ZNF230: variants seen among roughly 807,000 people sequenced by gnomAD.
ZNF230 encodes the protein zinc finger protein FDZF2.
Under a neutral mutation model 10.0 loss-of-function variants are expected in ZNF230, and 12 were observed. That is an observed-to-expected ratio of 1.20 (90% confidence interval 0.77 to 1.95). The LOEUF (loss-of-function observed/expected upper bound fraction) is 1.95, where lower values mean the gene tolerates loss of function less well. Among genes scored for constraint, ZNF230 ranks in the 30% most tolerant of loss-of-function variants. ZNF230 has a pLI of 0.00. For synonymous variants in ZNF230, 174 were observed against 193.6 expected (o/e 0.90, Z 0.84); for missense variants, 532 against 565.8 (o/e 0.94, Z 0.61).
In ZNF230 at chr19:44,011,331, A is replaced by G. The variant is rs1976180766; in HGVS notation, c.1292A>G (p.His431Arg). 1.2e-6 allele frequency: 2 copies of G among 1,613,932 alleles called. No individual in the cohort carries two copies. Among genetic ancestry groups the G allele is most frequent in the Admixed American group, 1.7e-5 (1 of 59,998 alleles). Residue 431 changes from histidine (H) to arginine (R), a missense_variant, in exon 5 of 5, where the codon CAC becomes CGC. By Grantham distance (29) the His-to-Arg change is conservative. Transcript: ENST00000429154. ...GAGGATTGTGGAAAGAGGCTTGTAC[A>G]CCGGTCTTTCTGTAAAGACCAACAA... is the stretch of plus-strand genomic sequence containing the variant. ...KCEDCGKRLV[H>R]RSFCKDQQGD...
At position 44,013,392 on chromosome 19, in the gene ZNF230, G is replaced by T. The variant is rs529305196; in HGVS notation, c.*1928G>T. On this transcript the variant is annotated 3_prime_UTR_variant, in exon 5 of 5. Transcript: ENST00000429154. ...TCTTTATTGTTGGCAGTAAAAATAA[G>T]TCTTTTGTAAGCAGTGTATATCAGA... 3 of 152,170 alleles carry T rather than the reference G, an allele frequency of 2.0e-5. No homozygotes were observed. Among genetic ancestry groups the T allele is most frequent in the Non-Finnish European group, 2.9e-5 (2 of 68,020 alleles). 9.4% of individuals were successfully genotyped at this position (152,170 alleles called of 1,614,324 possible). A position where few individuals can be genotyped will look rare whatever the true frequency, so the allele number is the denominator to read the frequency against.
In ZNF230 at chr19:44,008,792, G is replaced by A. The variant is rs1384230385; in HGVS notation, c.18G>A (p.Glu6=). ...GTTATGTATCCTTGATGTTATAGGAGGCAGTGACCTTCAAGGATGTGGCTG... is the reference window on the plus strand; with the variant it reads ...GTTATGTATCCTTGATGTTATAGGAAGCAGTGACCTTCAAGGATGTGGCTG... MTTFK[E]AVTFKDVAVF... Residue 6 remains glutamate, a splice_region_variant and synonymous_variant, in exon 3 of 5, where the codon GAG becomes GAA. Transcript: ENST00000429154. 1.9e-6 allele frequency: 3 copies of A among 1,613,604 alleles called. No homozygotes were observed. Among genetic ancestry groups the A allele is most frequent in the African/African-American group, 1.3e-5 (1 of 74,876 alleles).
chr19:44,009,279 C>A, intron 4 of ZNF230, 109 bp downstream of exon 4: 1 of 1,242,764 alleles, frequency 8.0e-7, no homozygotes, highest in Non-Finnish European at 1.1e-6. Flanking sequence ...CAATCTCTTT[C>A]CTGGTTTATT....
chr19:44,010,109 GGTTA>G (rs1976160693), intron 4 of ZNF230, among the ~76,000 whole-genome samples, 156 bp from the exon 5 acceptor site: 1 of 152,180 alleles, frequency 6.6e-6, no homozygotes, highest in Admixed American at 6.5e-5. Flanking sequence ...GACATGGTGT[GGTTA>G]TAAATTGGTC....
In ZNF230 at chr19:44,009,099, A is replaced by G. The variant is rs759805727; in HGVS notation, c.158A>G (p.His53Arg). The change falls in exon 4 of 5, where the codon CAC becomes CGC. Residue 53 changes from histidine to arginine, a missense_variant. His to Arg is a conservative substitution (Grantham distance 29). Coordinates refer to ENST00000429154, the MANE Select transcript of ZNF230 (RefSeq NM_006300.4). Reference protein sequence around the residue: ...NLLSVGHQPFHPFHFLREEKF... With the variant: ...NLLSVGHQPFRPFHFLREEKF... ...ATGTTCACAGGGCATCAACCATTCC[A>G]CCCTTTCCACTTCCTAAGGGAAGAA... 1.9e-6 allele frequency: 3 copies of G among 1,614,146 alleles called. No individual in the cohort carries two copies. In the South Asian group the frequency reaches 3.3e-5, roughly 18 times the overall value.
Position 44,010,523 on chromosome 19 carries a change from C to T in ZNF230, c.484C>T (p.His162Tyr). The T allele has an allele frequency of 6.2e-7, 1 of 1,614,224 alleles. No individual in the cohort carries two copies. The highest frequency in any genetic ancestry group is 1.7e-5 in the Admixed American group (1 of 60,022). The change falls in exon 5 of 5, where the codon CAC becomes TAC. Residue 162 changes from histidine (H) to tyrosine (Y), a missense_variant. Physicochemically the swap from His to Tyr is moderately conservative, Grantham distance 83 (BLOSUM62 2). Transcript: ENST00000429154. ...CATCTTTGATCCTCCTCAGCAGTTC[C>T]ACTCAGGAGAGAAGTCTCATACATG... ...VAIFDPPQQF[H>Y]SGEKSHTCNE...
At position 44,011,471 on chromosome 19, in the gene ZNF230, C is replaced by CAT. The variant is rs1976182947; in HGVS notation, c.*14_*15dup. 1.3e-6 allele frequency: 2 copies of CAT among 1,569,718 alleles called. No individual in the cohort carries two copies. Among genetic ancestry groups the CAT allele is most frequent in the Non-Finnish European group, 1.7e-6 (2 of 1,160,454 alleles). ...ATTTTTAAATGATATGTAAGTTGTACATATATATGGGATATGGTATGAAAT... is the reference window on the plus strand; with the variant it reads ...ATTTTTAAATGATATGTAAGTTGTACATATATATATGGGATATGGTATGAAAT... On this transcript the variant is annotated 3_prime_UTR_variant, in exon 5 of 5. Transcript: ENST00000429154.
At position 44,013,923 on chromosome 19, in the gene ZNF230, C is replaced by T. The variant is rs897352581; in HGVS notation, c.*2459C>T. The T allele has an allele frequency of 6.6e-6, 1 of 152,076 alleles. No individual in the cohort carries two copies. Among genetic ancestry groups the T allele is most frequent in the African/African-American group, 2.4e-5 (1 of 41,392 alleles). 9.4% of individuals were successfully genotyped at this position (152,076 alleles called of 1,614,324 possible). ...TCAGAATAAAATTGCTCTATATTGT[C>T]ATATGATGTAAGTTCACAATGACTA... On this transcript the variant is annotated 3_prime_UTR_variant, in exon 5 of 5. Transcript: ENST00000429154.
Position 44,012,064 on chromosome 19 carries a change from ACTGATT to A in ZNF230, c.*601_*606del. ...GGTAGTGTAGATATCTGATCCACAT[ACTGATT>A]TCCTTTGCTTTGGATATACTCAATA... On this transcript the variant is annotated 3_prime_UTR_variant, in exon 5 of 5. Coordinates refer to ENST00000429154, the MANE Select transcript of ZNF230 (RefSeq NM_006300.4). 5 of 193,194 alleles carry A rather than the reference ACTGATT, an allele frequency of 2.6e-5. No homozygotes were observed. Among genetic ancestry groups the A allele is most frequent in the Non-Finnish European group, 5.3e-5 (5 of 94,168 alleles). The allele number at this position is 193,194 out of a possible 1,614,324, so 12.0% of individuals were successfully genotyped here.
At position 44,012,944 on chromosome 19, in the gene ZNF230, T is replaced by C. The variant is rs941158863; in HGVS notation, c.*1480T>C. On this transcript the variant is annotated 3_prime_UTR_variant, in exon 5 of 5. Coordinates refer to ENST00000429154, the MANE Select transcript of ZNF230 (RefSeq NM_006300.4). ...CTAATGCTCCATTGGTTGCATACAA[T>C]ATAAATTCAACAATCATTTGTAACT... 1 of 153,726 alleles carries C rather than the reference T, an allele frequency of 6.5e-6. No homozygotes were observed. Among genetic ancestry groups the C allele is most frequent in the African/African-American group, 2.4e-5 (1 of 41,452 alleles). 9.5% of individuals were successfully genotyped at this position (153,726 alleles called of 1,614,324 possible). A position where few individuals can be genotyped will look rare whatever the true frequency, so the allele number is the denominator to read the frequency against.
rs1225892853 is a variant in ZNF230, at chr19:44,012,598, C to G, written c.*1134C>G. On this transcript the variant is annotated 3_prime_UTR_variant, in exon 5 of 5. Coordinates refer to ENST00000429154, the MANE Select transcript of ZNF230 (RefSeq NM_006300.4). ...AGTTTGTTCACACATTTACAAAACC[C>G]TAATGATGAACATGTCAAAAGTGGT... 4.6e-6 allele frequency: 2 copies of G among 430,806 alleles called. No individual in the cohort carries two copies. The highest frequency in any genetic ancestry group is 4.1e-5 in the African/African-American group (2 of 49,058). 26.7% of individuals were successfully genotyped at this position (430,806 alleles called of 1,614,324 possible).
Position 44,010,314 on chromosome 19 carries a change from G to A in ZNF230, c.275G>A (p.Cys92Tyr). 6.2e-7 allele frequency: 1 copy of A among 1,613,828 alleles called. No individual in the cohort carries two copies. Among genetic ancestry groups the A allele is most frequent in the Non-Finnish European group, 8.5e-7 (1 of 1,179,798 alleles). The change falls in exon 5 of 5, where the codon TGC (cysteine) becomes TAC (tyrosine). Residue 92 changes from cysteine to tyrosine, a missense_variant. By Grantham distance (194) the Cys-to-Tyr change is radical. Transcript: ENST00000429154. ...AEAGPHEDCP[C>Y]QQIWEQTASD... is the part of the protein sequence containing the mutation. Reference sequence around the variant, plus strand: ...GCAGGACCACATGAAGACTGCCCTTGCCAGCAAATCTGGGAACAAACTGCA... The same window carrying A: ...GCAGGACCACATGAAGACTGCCCTTACCAGCAAATCTGGGAACAAACTGCA...
At chr19:44,006,238 T>A (rs2147422991) in intron 1 of ZNF230, among the ~76,000 whole-genome samples, 1 of 152,320 alleles carries the variant, frequency 6.6e-6, no homozygotes, top group East Asian at 1.9e-4. Context: ...CTCAACTGTG[T>A]TCACTTGGCC....
At position 44,006,963 on chromosome 19, in the gene ZNF230, C is replaced by G. The variant is rs1976129363; in HGVS notation, c.-68-48C>G. On this transcript the variant is annotated intron_variant, in intron 1 of 4. Coordinates refer to ENST00000429154, the MANE Select transcript of ZNF230 (RefSeq NM_006300.4). ...ATGTGCTTGTTGCTACACAGCCTCC[C>G]CAGCCACCATTTCATGTCTCTCTTT... The G allele has an allele frequency of 3.5e-6, 3 of 848,074 alleles. No homozygotes were observed. The Admixed American group carries it at 6.1e-5, about 17-fold the overall frequency. The allele number at this position is 848,074 out of a possible 1,614,324, so 52.5% of individuals were successfully genotyped here. A position where few individuals can be genotyped will look rare whatever the true frequency, so the allele number is the denominator to read the frequency against.
Position 44,009,163 on chromosome 19 carries a change from AAATTCAGGTAAG to A in ZNF230, c.225_229+7del. The A allele has an allele frequency of 6.2e-7, 1 of 1,614,176 alleles. No individual in the cohort carries two copies. Among genetic ancestry groups the A allele is most frequent in the East Asian group, 2.2e-5 (1 of 44,878 alleles). ...TGGAGACAGCAACCCAAAGAGAAGG[AAATTCAGGTAAG>A]AAGCAAGCAACTGTGTGTCCTTGTA... On this transcript the variant is annotated splice_donor_variant and splice_donor_5th_base_variant and coding_sequence_variant and intron_variant, in exon 4 of 5. Coordinates refer to ENST00000429154, the MANE Select transcript of ZNF230 (RefSeq NM_006300.4). LOFTEE classifies it high-confidence loss of function.
rs6413544 is a variant in ZNF230, at chr19:44,011,606, G to A, written c.*142G>A. 1.4e-3 allele frequency: 1,256 copies of A among 893,440 alleles called. 12 individuals are homozygous for A. The African/African-American group carries it at 0.018, about 13-fold the overall frequency. 55.3% of individuals were successfully genotyped at this position (893,440 alleles called of 1,614,324 possible). On this transcript the variant is annotated 3_prime_UTR_variant, in exon 5 of 5. Transcript: ENST00000429154. ...AAAATTCAAAATCCATTGTTCTAGC[G>A]ATTTGAAAAGAAACAATAAATTATT...
At chr19:44,009,379 G>A in intron 4 of ZNF230, 1 of 606,516 alleles carries the variant, frequency 1.6e-6, no homozygotes, top group Non-Finnish European at 2.9e-6. Context: ...CTTGGGAAAT[G>A]CAAGTCAGTT....
chr19:44,009,134 A>G lies in ZNF230; in HGVS notation c.193A>G (p.Met65Val), dbSNP rs758214830. ...FHFLREEKFW[M>V]METATQREGN... Reference sequence around the variant, plus strand: ...CTTCCTAAGGGAAGAAAAGTTTTGGATGATGGAGACAGCAACCCAAAGAGA... The same window carrying G: ...CTTCCTAAGGGAAGAAAAGTTTTGGGTGATGGAGACAGCAACCCAAAGAGA... The change falls in exon 4 of 5, where the codon ATG becomes GTG. Residue 65 changes from methionine (M) to valine (V), a missense_variant. Coordinates refer to ENST00000429154, the MANE Select transcript of ZNF230 (RefSeq NM_006300.4). 1 of 1,614,112 alleles carries G rather than the reference A, an allele frequency of 6.2e-7. No individual in the cohort carries two copies. Among genetic ancestry groups the G allele is most frequent in the Non-Finnish European group, 8.5e-7 (1 of 1,180,038 alleles).
intron 1 of ZNF230, among the ~76,000 whole-genome samples, chr19:44,005,904 A>T (rs560843232): frequency 6.6e-6 from 1 of 152,122 alleles, no homozygotes; most frequent in Admixed American, 6.5e-5. Context: ...ATAAAAAAAT[A>T]AAGTCCTTAT....
Sources: gnomAD v4.1 joint callset for allele counts (sites outside exome capture counted in the v4.1 genomes callset) on GRCh38, gnomAD v4.1.1 for gene constraint, MANE v1.5 for transcripts, NCBI Gene and HGNC (gene_info 2026-07-23, HGNC 2026-07-21) for gene names.